Variants in LZIC observed in about 807,000 individuals in gnomAD.
The protein encoded by LZIC is protein LZIC.
In LZIC, 28 loss-of-function variants were observed where a neutral mutation model predicts 25.4. The observed-to-expected ratio is 1.10, with a 90% confidence interval of 0.82 to 1.51. LZIC has a LOEUF of 1.51. Ranked by LOEUF, LZIC falls within the 40% of genes most tolerant of loss-of-function variation. The probability of loss-of-function intolerance (pLI) is 0.00; values close to 1 mark genes in which losing one functional copy is unlikely to be tolerated. For synonymous variants in LZIC, 65 were observed against 70.7 expected (o/e 0.92, Z 0.40); for missense variants, 170 against 211.1 (o/e 0.81, Z 1.21).
intron 2 of LZIC, among the ~76,000 whole-genome samples, chr1:9,941,494 C>A (rs2101615807): frequency 6.7e-6 from 1 of 148,850 alleles, no homozygotes; most frequent in East Asian, 2.0e-4. Context: ...CGTGCCTAGC[C>A]TTTACCTTTT....
rs2101583154 is a variant in LZIC, at chr1:9,929,861, C to T, written c.*538G>A. On this transcript the variant is annotated 3_prime_UTR_variant, in exon 8 of 8. Transcript: ENST00000377223. ...GGGAGTCAGGACACCTGAGTCTTAC[C>T]CTCAGCTCTCTGATGCGACTTTAAG... 1 of 973,722 alleles carries T rather than the reference C, an allele frequency of 1.0e-6. No individual in the cohort carries two copies. The highest frequency in any genetic ancestry group is 1.2e-6 in the Non-Finnish European group (1 of 819,426). The allele number at this position is 973,722 out of a possible 1,614,324, so 60.3% of individuals were successfully genotyped here.
chr1:9,932,854 G>A lies in LZIC; in HGVS notation c.381C>T (p.Tyr127=), dbSNP rs1483229259. 3.1e-6 allele frequency: 5 copies of A among 1,612,828 alleles called. No homozygotes were observed. In the African/African-American group the frequency reaches 6.7e-5, roughly 22 times the overall value. Residue 127 remains tyrosine, a synonymous_variant, in exon 6 of 8, where the codon TAC becomes TAT. Transcript: ENST00000377223. Reference sequence around the variant, plus strand: ...TTAGTATCTCCACTTTCTGTTGAGTGTACAGGTCTCTTTCCAGCTTTCCTA... The same window carrying A: ...TTAGTATCTCCACTTTCTGTTGAGTATACAGGTCTCTTTCCAGCTTTCCTA... ...LMVGKLERDL[Y]TQQKVEILTA...
chr1:9,935,712 A>G (rs1484242972), intron 3 of LZIC, 85 bp from the exon 4 acceptor site: 1 of 1,245,274 alleles, frequency 8.0e-7, no homozygotes, highest in African/African-American at 1.5e-5. Flanking sequence ...TTAGAGAAAG[A>G]CTGAAGGGAA....
intron 2 of LZIC, among the ~76,000 whole-genome samples, chr1:9,942,187 G>T (rs1035721481): frequency 2.0e-5 from 3 of 152,160 alleles, no homozygotes; most frequent in African/African-American, 7.2e-5. Context: ...AAAGTGATGG[G>T]ATTACAGGCG....
Position 9,930,269 on chromosome 1 carries a change from A to G in LZIC, c.*130T>C. On this transcript the variant is annotated 3_prime_UTR_variant, in exon 8 of 8. Transcript: ENST00000377223. ...AAACACAAGCCATAAGTATATTTTT[A>G]TGTCGCTTTTTCTTAGGTTATTGAT... The G allele has an allele frequency of 2.0e-6, 3 of 1,536,612 alleles. No homozygotes were observed. Among genetic ancestry groups the G allele is most frequent in the Non-Finnish European group, 2.6e-6 (3 of 1,145,644 alleles).
At position 9,929,883 on chromosome 1, in the gene LZIC, T is replaced by C. The variant is rs1020001664; in HGVS notation, c.*516A>G. 1.6e-5 allele frequency: 15 copies of C among 962,814 alleles called. No homozygotes were observed. Among genetic ancestry groups the C allele is most frequent in the Non-Finnish European group, 1.7e-5 (14 of 809,348 alleles). 59.6% of individuals were successfully genotyped at this position (962,814 alleles called of 1,614,324 possible). On this transcript the variant is annotated 3_prime_UTR_variant, in exon 8 of 8. Transcript: ENST00000377223. ...TACCCTCAGCTCTCTGATGCGACTTTAAGCAAAGTCGCTTGCTCTTTCTGG... is the reference window on the plus strand; with the variant it reads ...TACCCTCAGCTCTCTGATGCGACTTCAAGCAAAGTCGCTTGCTCTTTCTGG...
chr1:9,942,475 A>C (rs1640801783), intron 2 of LZIC, 149 bp downstream of exon 2: 1 of 316,100 alleles, frequency 3.2e-6, no homozygotes, highest in Non-Finnish European at 6.3e-6. Flanking sequence ...TTAACCTGGT[A>C]CTACATTAGT....
chr1:9,932,026 T>C (rs2101588770), intron 6 of LZIC, 54 bp from the exon 7 acceptor site: 4 of 1,361,344 alleles, frequency 2.9e-6, no homozygotes, highest in East Asian at 2.8e-5. Flanking sequence ...CAGGTGGTTC[T>C]AGAAACCAGG....
At chr1:9,933,820 G>A (rs367642977) in intron 5 of LZIC, among the ~76,000 whole-genome samples, 4 of 151,856 alleles carry the variant, frequency 2.6e-5, no homozygotes, top group African/African-American at 9.7e-5. Flanking sequence ...GATGGGAGAC[G>A]CTTGAGCCCA....
chr1:9,935,136 A>G (rs968037148), intron 4 of LZIC, among the ~76,000 whole-genome samples: 1 of 152,110 alleles, frequency 6.6e-6, no homozygotes, highest in East Asian at 1.9e-4. Flanking sequence ...TCTCTAAAAA[A>G]AAAAAACTAA....
At chr1:9,942,961 T>C (rs1343580690) in intron 1 of LZIC, 179 bp from the exon 2 acceptor site, 1 of 352,340 alleles carries the variant, frequency 2.8e-6, no homozygotes, top group South Asian at 2.1e-5. Flanking sequence ...GAGAGGGTCT[T>C]TGAGGAAAAT....
chr1:9,934,940 A>C (rs1021862647), intron 4 of LZIC, 80 bp from the exon 5 acceptor site: 5 of 1,041,980 alleles, frequency 4.8e-6, no homozygotes, highest in Non-Finnish European at 3.0e-6. Context: ...CGGATCCTTA[A>C]TTTTTATCAA....
rs372546687 is a variant in LZIC, at chr1:9,934,749, A to G, written c.336+13T>C. 1.2e-5 allele frequency: 20 copies of G among 1,604,436 alleles called. No homozygotes were observed. Among genetic ancestry groups the G allele is most frequent in the Non-Finnish European group, 1.7e-5 (20 of 1,171,674 alleles). On this transcript the variant is annotated intron_variant, in intron 5 of 7. Transcript: ENST00000377223. Reference sequence around the variant, plus strand: ...AAACACACAGCAACCAAATCAATTTAAAGAAATTTTACCTCTGCTAACCTT... The same window carrying G: ...AAACACACAGCAACCAAATCAATTTGAAGAAATTTTACCTCTGCTAACCTT...
At position 9,942,756 on chromosome 1, in the gene LZIC, A is replaced by C; in HGVS notation, c.-141T>G. 1.7e-6 allele frequency: 2 copies of C among 1,156,730 alleles called. No individual in the cohort carries two copies. The highest frequency in any genetic ancestry group is 2.3e-6 in the Non-Finnish European group (2 of 867,618). The allele number at this position is 1,156,730 out of a possible 1,614,324, so 71.7% of individuals were successfully genotyped here. On this transcript the variant is annotated 5_prime_UTR_variant, in exon 2 of 8. Coordinates refer to ENST00000377223, the MANE Select transcript of LZIC (RefSeq NM_032368.5). ...TTCATCAGGACTACAAAAGGCTCAAAGTTCAAACCACCTCGGGGTGGAGAT... is the reference window on the plus strand; with the variant it reads ...TTCATCAGGACTACAAAAGGCTCAACGTTCAAACCACCTCGGGGTGGAGAT...
intron 2 of LZIC, among the ~76,000 whole-genome samples, chr1:9,938,167 T>G (rs753442267): frequency 3.3e-5 from 5 of 152,156 alleles, no homozygotes; most frequent in Non-Finnish European, 4.4e-5. Flanking sequence ...TAATTACTTG[T>G]GAGCATGAAC....
rs746855107 is a variant in LZIC, at chr1:9,934,852, C to T, written c.246G>A (p.Gln82=). ...DELSGMQLAI[Q]AAISQAFKTP... is the part of the protein sequence containing the mutation. ...TTTTAAAGGCCTGGCTGATAGCTGC[C>T]TGAATAGCCTAGAAACACAAGAAGG... The change falls in exon 5 of 8, where the codon CAG becomes CAA. Residue 82 remains glutamine (Q), a synonymous_variant. Coordinates refer to ENST00000377223, the MANE Select transcript of LZIC (RefSeq NM_032368.5). 5 of 1,613,816 alleles carry T rather than the reference C, an allele frequency of 3.1e-6. No homozygotes were observed. The South Asian group carries it at 5.5e-5, about 18-fold the overall frequency.
chr1:9,940,716 T>TA (rs1315543448), intron 2 of LZIC, among the ~76,000 whole-genome samples: 1 of 152,220 alleles, frequency 6.6e-6, no homozygotes, highest in East Asian at 1.9e-4. Flanking sequence ...TATTCAAAAT[T>TA]AAATATAATG....
In LZIC at chr1:9,929,605, G is replaced by A. The variant is rs938853310; in HGVS notation, c.*794C>T. ...GCTTCCCTGGTCAAACAACGCAGGC[G>A]GCTAAGTCACTTTAGGAAACGCTCA... On this transcript the variant is annotated 3_prime_UTR_variant, in exon 8 of 8. Transcript: ENST00000377223. 5 of 985,316 alleles carry A rather than the reference G, an allele frequency of 5.1e-6. No individual in the cohort carries two copies. The highest frequency in any genetic ancestry group is 4.7e-5 in the South Asian group (1 of 21,278). 61.0% of individuals were successfully genotyped at this position (985,316 alleles called of 1,614,324 possible).
chr1:9,940,121 AAAAAAAC>A (rs149841286), intron 2 of LZIC, among the ~76,000 whole-genome samples: 2,465 of 151,972 alleles, frequency 0.016, 43 homozygotes, highest in African/African-American at 0.043. Context: ...TCCTACTCAA[AAAAAAAC>A]AAAAAACAAA....
Sources: allele counts gnomAD v4.1 joint callset (sites outside exome capture counted in the v4.1 genomes callset), GRCh38; gene constraint gnomAD v4.1.1; transcripts MANE v1.5; gene names NCBI Gene and HGNC (gene_info 2026-07-23, HGNC 2026-07-21).